RYR3: variants seen among roughly 807,000 people sequenced by gnomAD.
The protein encoded by RYR3 is ryanodine receptor 3, also known as brain ryanodine receptor-calcium release channel.
A neutral mutation model predicts 584.3 loss-of-function variants in RYR3; 207 were observed. The ratio of observed to expected loss-of-function variants is 0.35; its 90% CI spans 0.32 to 0.40. RYR3 has a LOEUF of 0.40. Among genes scored for constraint, RYR3 ranks in the 10% least tolerant of loss-of-function variants. RYR3 has a pLI of 1.00. For synonymous variants in RYR3, 2,416 were observed against 2,248.5 expected (o/e 1.07, Z -2.11); for missense variants, 5,616 against 6,089.2 (o/e 0.92, Z 2.59).
intron 91 of RYR3, among the ~76,000 whole-genome samples, chr15:33,843,251 T>C (rs752914469): frequency 6.4e-4 from 96 of 151,144 alleles, no homozygotes; most frequent in Non-Finnish European, 1.0e-3. Flanking sequence ...ACCCGGGAGG[T>C]GGAGCTTGCA....
At position 33,603,182 on chromosome 15, in the gene RYR3, ACTT is replaced by A. The variant is rs2059755815; in HGVS notation, c.1984_1986del (p.Phe662del). 6.2e-7 allele frequency: 1 copy of A among 1,613,908 alleles called. No individual in the cohort carries two copies. Among genetic ancestry groups the A allele is most frequent in the Non-Finnish European group, 8.5e-7 (1 of 1,179,836 alleles). The stretch of plus-strand genomic sequence containing the variant: ...GGCTCAGCCCAGTACAAGAAGTGGT[ACTT>A]CGAGCTGATTATCGACCAGGTGGAC... On this transcript the variant is annotated inframe_deletion, in exon 18 of 104. Coordinates refer to ENST00000634891, the MANE Select transcript of RYR3 (RefSeq NM_001036.6).
chr15:33,616,976 G>A (rs2060481701), intron 19 of RYR3, among the ~76,000 whole-genome samples: 1 of 152,202 alleles, frequency 6.6e-6, no homozygotes, highest in Non-Finnish European at 1.5e-5. Context: ...TACAACCCAA[G>A]TGTTATTCTT....
intron 16 of RYR3, among the ~76,000 whole-genome samples, chr15:33,594,093 C>T (rs909231097): frequency 3.9e-5 from 6 of 152,130 alleles, no homozygotes; most frequent in African/African-American, 1.4e-4. Context: ...GGCTTCTGCA[C>T]GTGTCAGAAA....
chr15:33,605,563 A>T (rs1443172756), intron 18 of RYR3, among the ~76,000 whole-genome samples: 1 of 152,220 alleles, frequency 6.6e-6, no homozygotes, highest in East Asian at 1.9e-4. Flanking sequence ...TTCATCCCTC[A>T]GTCTCCAGCA....
intron 60 of RYR3, among the ~76,000 whole-genome samples, chr15:33,768,151 T>C (rs185778161): frequency 6.6e-5 from 10 of 152,354 alleles, no homozygotes; most frequent in Non-Finnish European, 1.0e-4. Flanking sequence ...AACGTTTTTG[T>C]TTAACACAAT....
At chr15:33,573,120 GCT>G (rs2058122255) in intron 12 of RYR3, among the ~76,000 whole-genome samples, 1 of 87,262 alleles carries the variant, frequency 1.1e-5, no homozygotes, top group Admixed American at 1.5e-4. Flanking sequence ...GATTTACTGA[GCT>G]CTTTATTCAG....
intron 20 of RYR3, among the ~76,000 whole-genome samples, chr15:33,624,839 G>A (rs2060902680): frequency 6.6e-6 from 1 of 152,170 alleles, no homozygotes; most frequent in Non-Finnish European, 1.5e-5. Flanking sequence ...TGCCTCTAAG[G>A]CACTTGGGGT....
intron 1 of RYR3, among the ~76,000 whole-genome samples, chr15:33,431,826 T>C (rs1008483798): frequency 2.0e-4 from 31 of 152,126 alleles, no homozygotes; most frequent in African/African-American, 7.5e-4. Context: ...CAAAAAAGTA[T>C]GTGTTGATGT....
chr15:33,631,523 T>C (rs1348636682), intron 23 of RYR3, among the ~76,000 whole-genome samples: 1 of 152,094 alleles, frequency 6.6e-6, no homozygotes, highest in Admixed American at 6.6e-5. Context: ...ACACTAATAT[T>C]GTTAGTTTTG....
At chr15:33,375,976 A>G (rs1042940405) in intron 1 of RYR3, among the ~76,000 whole-genome samples, 3 of 152,164 alleles carry the variant, frequency 2.0e-5, no homozygotes, top group Non-Finnish European at 4.4e-5. Flanking sequence ...AGGCAGGAGA[A>G]TGGCGTGAAC....
chr15:33,320,075 A>G (rs1397513232), intron 1 of RYR3, among the ~76,000 whole-genome samples: 1 of 152,224 alleles, frequency 6.6e-6, no homozygotes, highest in African/African-American at 2.4e-5. Flanking sequence ...ATCTGCAGCA[A>G]GATTCTGAGC....
At chr15:33,834,904 A>G in intron 86 of RYR3, 64 bp from the exon 87 acceptor site, 1 of 1,301,674 alleles carries the variant, frequency 7.7e-7, no homozygotes. Flanking sequence ...AGATGCCCTT[A>G]CTAGACAGGT....
In RYR3 at chr15:33,797,215, C is replaced by T. The variant is rs148557223; in HGVS notation, c.9831-3555C>T. Among the ~76,000 whole-genome samples the T allele has an allele frequency of 2.1e-4, 32 of 152,208 alleles. 1 individual carries two copies. In the East Asian group the frequency reaches 4.8e-3, roughly 23 times the overall value. ...GAATCTCTCATGGTTACCTCTAAAC[C>T]CAACCTTCTTCTCTGCCTACAGCCT... On this transcript the variant is annotated intron_variant, in intron 67 of 103. Coordinates refer to ENST00000634891, the MANE Select transcript of RYR3 (RefSeq NM_001036.6).
At chr15:33,862,102 C>A (rs1398779565) in intron 102 of RYR3, among the ~76,000 whole-genome samples, 1 of 152,140 alleles carries the variant, frequency 6.6e-6, no homozygotes, top group Non-Finnish European at 1.5e-5. Flanking sequence ...ATTTTATTAC[C>A]TGATAACTCA....
intron 69 of RYR3, among the ~76,000 whole-genome samples, chr15:33,806,630 C>G (rs939758799): frequency 1.3e-5 from 2 of 152,108 alleles, no homozygotes; most frequent in Admixed American, 6.5e-5. Context: ...AATCTGTAGC[C>G]CCAACCTAAG....
At chr15:33,612,667 C>G (rs769227530) in intron 18 of RYR3, among the ~76,000 whole-genome samples, 1 of 152,192 alleles carries the variant, frequency 6.6e-6, no homozygotes, top group Non-Finnish European at 1.5e-5. Context: ...GCCTATGTAG[C>G]ATAGTTTAAT....
chr15:33,772,157 CTG>C lies in RYR3; in HGVS notation c.9055+2_9055+3del. On this transcript the variant is annotated splice_donor_variant and coding_sequence_variant, in exon 63 of 104. Transcript: ENST00000634891. LOFTEE classifies it high-confidence loss of function. ...AGCATCAGTTTGGAATGGATCTACT[CTG>C]TGAGTTCTACTGGTATTTGTCGTGG... 6.3e-7 allele frequency: 1 copy of C among 1,593,642 alleles called. No individual in the cohort carries two copies. The highest frequency in any genetic ancestry group is 8.6e-7 in the Non-Finnish European group (1 of 1,162,512).
chr15:33,703,008 G>A (rs1038373286), intron 42 of RYR3, among the ~76,000 whole-genome samples: 31 of 152,236 alleles, frequency 2.0e-4, no homozygotes, highest in East Asian at 1.4e-3. Flanking sequence ...GCAGCAGATG[G>A]CCTTCCTCTA....
At chr15:33,632,695 T>C (rs1273322196) in intron 23 of RYR3, among the ~76,000 whole-genome samples, 1 of 152,224 alleles carries the variant, frequency 6.6e-6, no homozygotes, top group Non-Finnish European at 1.5e-5. Context: ...GAAATAAAGA[T>C]GGTTTGTATT....
Sources: gnomAD v4.1 joint callset for allele counts (sites outside exome capture counted in the v4.1 genomes callset) on GRCh38, gnomAD v4.1.1 for gene constraint, MANE v1.5 for transcripts, NCBI Gene and HGNC (gene_info 2026-07-23, HGNC 2026-07-21) for gene names.